Variants in BMAL1 observed in about 807,000 individuals in gnomAD.
BMAL1 encodes the protein basic helix-loop-helix ARNT-like protein 1.
chr11:13,362,673 C>T, the BMAL1 span, among the ~76,000 whole-genome samples: 1 of 152,146 alleles, frequency 6.6e-6, no homozygotes, highest in Non-Finnish European at 1.5e-5. Flanking sequence ...CTTTGCCCAC[C>T]TCTCCATCCT....
the BMAL1 span, among the ~76,000 whole-genome samples, chr11:13,293,326 G>A: frequency 6.6e-6 from 1 of 152,214 alleles, no homozygotes; most frequent in Non-Finnish European, 1.5e-5. Context: ...GAAGACCTAG[G>A]TTTGAGTCCA....
At chr11:13,352,967 C>T in the BMAL1 span, among the ~76,000 whole-genome samples, 2 of 152,226 alleles carry the variant, frequency 1.3e-5, no homozygotes, top group Non-Finnish European at 2.9e-5. Context: ...AAGCCCTTTT[C>T]AAGGGCCGGT....
the BMAL1 span, chr11:13,358,401 T>TTA: frequency 6.8e-7 from 1 of 1,480,938 alleles, no homozygotes; most frequent in Admixed American, 2.4e-5. Flanking sequence ...TGGTTACATT[T>TTA]TATAAGAAAT....
At chr11:13,346,599 C>T in the BMAL1 span, among the ~76,000 whole-genome samples, 5 of 152,240 alleles carry the variant, frequency 3.3e-5, no homozygotes, top group Non-Finnish European at 7.3e-5. Context: ...TTCTCTTCCA[C>T]CCTCCTTGCT....
At chr11:13,323,340 C>G in the BMAL1 span, among the ~76,000 whole-genome samples, 1 of 152,204 alleles carries the variant, frequency 6.6e-6, no homozygotes, top group Non-Finnish European at 1.5e-5. Context: ...GAGCCCCCAA[C>G]TCCCATACCC....
At chr11:13,351,103 A>G in the BMAL1 span, among the ~76,000 whole-genome samples, 2 of 152,190 alleles carry the variant, frequency 1.3e-5, no homozygotes, top group Non-Finnish European at 2.9e-5. Flanking sequence ...AGGGCTAAGG[A>G]CAAAACATTA....
chr11:13,382,545 G>A, the BMAL1 span, among the ~76,000 whole-genome samples: 1 of 150,530 alleles, frequency 6.6e-6, no homozygotes, highest in Non-Finnish European at 1.5e-5. Flanking sequence ...CTTGCCAGCT[G>A]TCTTCTTAGC....
chr11:13,295,322 G>A, the BMAL1 span, among the ~76,000 whole-genome samples: 1 of 121,312 alleles, frequency 8.2e-6, no homozygotes, highest in Non-Finnish European at 2.0e-5. Context: ...AGAGAGAGAC[G>A]ATGTGGTAGA....
chr11:13,361,451 T>C, the BMAL1 span, among the ~76,000 whole-genome samples: 1 of 152,206 alleles, frequency 6.6e-6, no homozygotes, highest in African/African-American at 2.4e-5. Flanking sequence ...TGACCTTACC[T>C]GCACAGCCAA....
chr11:13,277,328 A>G, the BMAL1 span, among the ~76,000 whole-genome samples: 5 of 152,154 alleles, frequency 3.3e-5, no homozygotes, highest in African/African-American at 1.2e-4. Flanking sequence ...CAGGGGACCC[A>G]GAGAAGAGGG....
chr11:13,343,716 A>G, the BMAL1 span, among the ~76,000 whole-genome samples: 1 of 152,294 alleles, frequency 6.6e-6, no homozygotes, highest in Middle Eastern at 3.4e-3. Context: ...CCCTGGGGGA[A>G]CTAGCACTGT....
At chr11:13,341,060 G>A in the BMAL1 span, among the ~76,000 whole-genome samples, 1 of 152,120 alleles carries the variant, frequency 6.6e-6, no homozygotes, top group Non-Finnish European at 1.5e-5. Context: ...GCCTCTCCTC[G>A]GGCACCCAGA....
At chr11:13,347,749 C>A in the BMAL1 span, among the ~76,000 whole-genome samples, 5 of 152,112 alleles carry the variant, frequency 3.3e-5, no homozygotes, top group African/African-American at 1.2e-4. Flanking sequence ...ACATGACAAA[C>A]TGAGGCAGGA....
the BMAL1 span, among the ~76,000 whole-genome samples, chr11:13,293,000 C>A: frequency 6.6e-6 from 1 of 152,068 alleles, no homozygotes; most frequent in African/African-American, 2.4e-5. Flanking sequence ...TTAAGGGTGG[C>A]AAGGGGACTG....
chr11:13,347,787 T>C, the BMAL1 span, among the ~76,000 whole-genome samples: 1 of 152,072 alleles, frequency 6.6e-6, no homozygotes, highest in Admixed American at 6.5e-5. Flanking sequence ...GAGATGGAGA[T>C]TGCAGTGAGC....
At chr11:13,352,115 A>G in the BMAL1 span, among the ~76,000 whole-genome samples, 1 of 152,022 alleles carries the variant, frequency 6.6e-6, no homozygotes, top group African/African-American at 2.4e-5. Context: ...TGGGGAAGGG[A>G]TCCTAAGTAG....
chr11:13,321,386 GTGAAATGGGC>G, the BMAL1 span, among the ~76,000 whole-genome samples: 1 of 152,168 alleles, frequency 6.6e-6, no homozygotes, highest in Non-Finnish European at 1.5e-5. Flanking sequence ...GAGCAGCTTT[GTGAAATGGGC>G]TGCCCGTTCT....
At chr11:13,301,784 A>T in the BMAL1 span, among the ~76,000 whole-genome samples, 1 of 152,208 alleles carries the variant, frequency 6.6e-6, no homozygotes, top group African/African-American at 2.4e-5. Context: ...AGAGCTTTAT[A>T]TGTAGTAACT....
chr11:13,381,212 G>A, the BMAL1 span: 9 of 1,614,032 alleles, frequency 5.6e-6, no homozygotes, highest in Admixed American at 3.3e-5. Context: ...TGAACATCAC[G>A]AGTACGCCTC....
Sources: allele counts gnomAD v4.1 joint callset (sites outside exome capture counted in the v4.1 genomes callset), GRCh38; gene constraint gnomAD v4.1.1; transcripts MANE v1.5; gene names NCBI Gene and HGNC (gene_info 2026-07-23, HGNC 2026-07-21).